Variants in PXDN observed in about 807,000 individuals in gnomAD.
PXDN encodes the protein peroxidasin, also known as peroxidasin homolog.
PXDN carries 77 observed loss-of-function variants against 140.3 expected under a neutral mutation model. The ratio of observed to expected loss-of-function variants is 0.55; its 90% CI spans 0.46 to 0.66. The LOEUF (loss-of-function observed/expected upper bound fraction) is 0.66. PXDN is among the 30% of genes least tolerant of loss of function. The pLI is 0.00. For synonymous variants in PXDN, 911 were observed against 857.4 expected, an observed-to-expected ratio of 1.06 and a Z score of -1.09; for missense variants, 1,838 against 2,039.5, an observed-to-expected ratio of 0.90 and a Z score of 1.90.
chr2:1,645,685 G>A (rs532027255), intron 17 of PXDN, among the ~76,000 whole-genome samples: 1 of 152,180 alleles, frequency 6.6e-6, no homozygotes, highest in Non-Finnish European at 1.5e-5. Flanking sequence ...TGACATTCAG[G>A]TTGAACTTCT....
In PXDN at chr2:1,666,198, G is replaced by A; in HGVS notation, c.1291+16C>T. ...GGGGCTGAGCCCTGGCTCTGGCACAGAGGATGGATACCCACCCTGGACGAT... is the reference window on the plus strand; with the variant it reads ...GGGGCTGAGCCCTGGCTCTGGCACAAAGGATGGATACCCACCCTGGACGAT... On this transcript the variant is annotated intron_variant, in intron 10 of 22. Coordinates refer to ENST00000252804, the MANE Select transcript of PXDN (RefSeq NM_012293.3). 6.2e-7 allele frequency: 1 copy of A among 1,611,882 alleles called. No individual in the cohort carries two copies. The highest frequency in any genetic ancestry group is 1.1e-5 in the South Asian group (1 of 91,008).
intron 1 of PXDN, among the ~76,000 whole-genome samples, chr2:1,711,039 AT>A (rs1684759515): frequency 1.8e-5 from 1 of 54,826 alleles, no homozygotes; most frequent in African/African-American, 6.7e-5. Context: ...CTCCACCAGC[AT>A]CCACTCTACC....
At chr2:1,679,892 ATGG>A (rs1683841487) in intron 7 of PXDN, among the ~76,000 whole-genome samples, 1 of 117,678 alleles carries the variant, frequency 8.5e-6, no homozygotes, top group African/African-American at 3.5e-5. Flanking sequence ...GTGTCTATAA[ATGG>A]TGTGTGTGTA....
rs546506154 is a variant in PXDN, at chr2:1,688,973, G to A, written c.345-1270C>T. Among the ~76,000 whole-genome samples, 11 of 152,022 alleles carry A rather than the reference G, an allele frequency of 7.2e-5. No individual in the cohort carries two copies. In the South Asian group the frequency reaches 1.0e-3, roughly 14 times the overall value. On this transcript the variant is annotated intron_variant, in intron 3 of 22. Transcript: ENST00000252804. Reference sequence around the variant, plus strand: ...TACAACCCATCTAAGTGGCTCTCACGTCCTCCCTCCCTGCGAATTTGCAGA... The same window carrying A: ...TACAACCCATCTAAGTGGCTCTCACATCCTCCCTCCCTGCGAATTTGCAGA...
In PXDN at chr2:1,687,705, T is replaced by A. The variant is rs762695914; in HGVS notation, c.345-2A>T. The A allele has an allele frequency of 6.6e-7, 1 of 1,511,688 alleles. No homozygotes were observed. Among genetic ancestry groups the A allele is most frequent in the East Asian group, 2.3e-5 (1 of 43,868 alleles). The allele number at this position is 1,511,688 out of a possible 1,614,324, so 93.6% of individuals were successfully genotyped here. A position where few individuals can be genotyped will look rare whatever the true frequency, so the allele number is the denominator to read the frequency against. The stretch of plus-strand genomic sequence containing the variant: ...TGGATCTCATTCTTGTACAGATAGC[T>A]GAAACAAGAAACATTGGGGAGCATT... On this transcript the variant is annotated splice_acceptor_variant, in intron 3 of 22. Transcript: ENST00000252804. LOFTEE classifies it high-confidence loss of function. The surrounding 1 kb of genome is among the most constrained non-coding windows in gnomAD (Gnocchi z 4.0).
At chr2:1,704,283 C>T (rs1409100353) in intron 1 of PXDN, among the ~76,000 whole-genome samples, 1 of 40,482 alleles carries the variant, frequency 2.5e-5, no homozygotes. Flanking sequence ...CCAGGTGAAG[C>T]GGGGGACAGC....
intron 17 of PXDN, among the ~76,000 whole-genome samples, chr2:1,647,535 C>A (rs1286090234): frequency 6.6e-6 from 1 of 152,222 alleles, no homozygotes; most frequent in African/African-American, 2.4e-5. Flanking sequence ...GGGGTGACAG[C>A]GTCCCATTTT....
intron 4 of PXDN, among the ~76,000 whole-genome samples, chr2:1,686,263 C>T (rs563570779): frequency 1.0e-3 from 158 of 152,280 alleles, no homozygotes; most frequent in Non-Finnish European, 1.7e-3. Context: ...CAGCGTTTAA[C>T]GAATGGAACC....
intron 16 of PXDN, chr2:1,653,289 C>T: frequency 2.8e-6 from 1 of 362,802 alleles, no homozygotes; most frequent in Middle Eastern, 9.9e-4. Flanking sequence ...AGCACGCTGC[C>T]AAGTCCTCCC....
intron 2 of PXDN, 113 bp from the exon 3 acceptor site, chr2:1,692,112 C>A: frequency 2.7e-6 from 2 of 752,984 alleles, no homozygotes; most frequent in Non-Finnish European, 4.3e-6. Context: ...TCAGTTACAG[C>A]CTCGCCATCA....
chr2:1,692,327 T>C (rs1684200079), intron 2 of PXDN, among the ~76,000 whole-genome samples: 1 of 152,234 alleles, frequency 6.6e-6, no homozygotes, highest in Admixed American at 6.5e-5. Flanking sequence ...TAGCCAGGAC[T>C]GTGGCCAGTG....
Position 1,649,349 on chromosome 2 carries a change from C to T in PXDN, c.2431G>A (p.Asp811Asn), listed in dbSNP as rs1682953563. 8 of 1,613,888 alleles carry T rather than the reference C, an allele frequency of 5.0e-6. No individual in the cohort carries two copies. Among genetic ancestry groups the T allele is most frequent in the Non-Finnish European group, 6.8e-6 (8 of 1,179,870 alleles). Residue 811 changes from aspartate (D) to asparagine (N), a missense_variant, in exon 17 of 23, where the codon GAC becomes AAC. Coordinates refer to ENST00000252804, the MANE Select transcript of PXDN (RefSeq NM_012293.3). This position sits in a 1 kb window ranked among gnomAD's most constrained non-coding sequence, Gnocchi z 7.1. ...TLIGTETVTP[D>N]EQFTHMLMQW... ...ATCAGCATGTGGGTGAACTGCTCGT[C>T]GGGTGTGACGGTCTCCGTCCCGATC...
Position 1,663,724 on chromosome 2 carries a change from G to A in PXDN, c.1448C>T (p.Ser483Leu), listed in dbSNP as rs1683363571. The A allele has an allele frequency of 6.2e-7, 1 of 1,613,570 alleles. No individual in the cohort carries two copies. The highest frequency in any genetic ancestry group is 8.5e-7 in the Non-Finnish European group (1 of 1,179,904). The change falls in exon 12 of 23, where the codon TCA becomes TTA. Residue 483 changes from serine to leucine, a missense_variant. Ser to Leu is a moderately radical substitution (Grantham distance 145, BLOSUM62 -2). Coordinates refer to ENST00000252804, the MANE Select transcript of PXDN (RefSeq NM_012293.3). ...ACCAGAGATTCTAAGTGTTCCCGAT[G>A]ACAGGACCAGGTGCCGCCGGTCCAC... ...LSVDRRHLVL[S>L]SGTLRISGVA... is the part of the protein sequence containing the mutation.
rs1029054453 is a variant in PXDN, at chr2:1,685,642, C to T, written c.417-1491G>A. Among the ~76,000 whole-genome samples the T allele has an allele frequency of 2.6e-5, 4 of 152,084 alleles. No individual in the cohort carries two copies. The highest frequency in any genetic ancestry group is 1.3e-4 in the Admixed American group (2 of 15,274). On this transcript the variant is annotated intron_variant, in intron 4 of 22. Transcript: ENST00000252804. The surrounding 1 kb of genome is among the most constrained non-coding windows in gnomAD (Gnocchi z 5.1). ...GAAGGAAAGGGGGTATTTCAAGCCCCACGGAGAGCGATGGGTGTAAAAATC... is the reference window on the plus strand; with the variant it reads ...GAAGGAAAGGGGGTATTTCAAGCCCTACGGAGAGCGATGGGTGTAAAAATC...
intron 1 of PXDN, among the ~76,000 whole-genome samples, chr2:1,697,339 G>A (rs532207781): frequency 2.0e-5 from 3 of 152,118 alleles, no homozygotes; most frequent in Non-Finnish European, 4.4e-5. Flanking sequence ...GCATTTCCAC[G>A]TCTGATCCTT....
At chr2:1,664,775 G>A in intron 11 of PXDN, 183 bp downstream of exon 11, 1 of 579,652 alleles carries the variant, frequency 1.7e-6, no homozygotes. Context: ...GGCCATGCAT[G>A]GACAGGAAGC....
intron 1 of PXDN, among the ~76,000 whole-genome samples, chr2:1,713,259 T>G (rs2125472167): frequency 6.6e-6 from 1 of 152,256 alleles, no homozygotes; most frequent in South Asian, 2.1e-4. Context: ...AAAGCAACTC[T>G]AATTTTCTGC....
Position 1,635,400 on chromosome 2 carries a change from A to C in PXDN, c.4320+8T>G. On this transcript the variant is annotated splice_region_variant and intron_variant, in intron 22 of 22. Coordinates refer to ENST00000252804, the MANE Select transcript of PXDN (RefSeq NM_012293.3). The stretch of plus-strand genomic sequence containing the variant: ...TTAGGACATGAAGATAGAGCCCCCC[A>C]TACTCACTTTGCATTCACAAATGGT... 1 of 1,568,336 alleles carries C rather than the reference A, an allele frequency of 6.4e-7. No homozygotes were observed. Among genetic ancestry groups the C allele is most frequent in the Non-Finnish European group, 8.7e-7 (1 of 1,154,374 alleles).
intron 11 of PXDN, chr2:1,664,727 G>C (rs370672030): frequency 2.0e-6 from 1 of 498,428 alleles, no homozygotes. Context: ...CAATGACAGA[G>C]CTTCTCAGAG....
Sources: allele counts gnomAD v4.1 joint callset (sites outside exome capture counted in the v4.1 genomes callset), GRCh38; gene constraint gnomAD v4.1.1; non-coding constraint Gnocchi (gnomAD v3.1); transcripts MANE v1.5; gene names NCBI Gene and HGNC (gene_info 2026-07-23, HGNC 2026-07-21).